MYOF: variants seen among roughly 807,000 people sequenced by gnomAD.
MYOF encodes the protein myoferlin.
A neutral mutation model predicts 284.2 loss-of-function variants in MYOF; 244 were observed. The observed-to-expected ratio is 0.86, with a 90% CI of 0.77 to 0.95. The LOEUF (loss-of-function observed/expected upper bound fraction) is 0.95. Ranked by LOEUF, MYOF falls within the 40% of genes least tolerant of loss-of-function variation. The pLI, the probability that MYOF is intolerant of heterozygous loss-of-function variation, is 0.00. For missense variants in MYOF, 2,496 were observed against 2,560.6 expected (o/e 0.97, Z 0.54); for synonymous variants, 904 against 919.7 (o/e 0.98, Z 0.31).
intron 48 of MYOF, among the ~76,000 whole-genome samples, chr10:93,322,212 TTGTTCTCACTTTA>T (rs1261889736): frequency 2.0e-5 from 3 of 152,176 alleles, no homozygotes; most frequent in South Asian, 2.1e-4. Context: ...AGGTGAAACT[TTGTTCTCACTTTA>T]TGAATATATT....
chr10:93,403,894 C>A, intron 9 of MYOF, 129 bp downstream of exon 9: 3 of 959,802 alleles, frequency 3.1e-6, no homozygotes, highest in South Asian at 2.9e-5. Flanking sequence ...CAGCCTTCAG[C>A]AAGTGTCATC....
At chr10:93,360,000 G>T (rs747179174) in intron 28 of MYOF, 22 bp from the exon 29 acceptor site, 1 of 1,613,896 alleles carries the variant, frequency 6.2e-7, no homozygotes, top group Non-Finnish European at 8.5e-7. Flanking sequence ...TTTGTGAATG[G>T]TTACCCAGAA....
At chr10:93,351,082 G>C (rs1844482365) in intron 35 of MYOF, 115 bp downstream of exon 35, 1 of 1,140,942 alleles carries the variant, frequency 8.8e-7, no homozygotes, top group African/African-American at 1.5e-5. Flanking sequence ...AAGTTGTAAA[G>C]GAAGTTGGAG....
chr10:93,388,609 G>C (rs1371353156), intron 18 of MYOF, among the ~76,000 whole-genome samples: 1 of 152,208 alleles, frequency 6.6e-6, no homozygotes, highest in Non-Finnish European at 1.5e-5. Context: ...AAGACATTTG[G>C]CTTCTGTTGT....
At position 93,454,546 on chromosome 10, in the gene MYOF, AT is replaced by A. The variant is rs1467470378; in HGVS notation, c.144+2335del. 5.3e-5 allele frequency among the ~76,000 whole-genome samples: 8 copies of A among 152,328 alleles called. No homozygotes were observed. In the Middle Eastern group the frequency reaches 0.01, roughly 194 times the overall value. On this transcript the variant is annotated intron_variant, in intron 2 of 53. Transcript: ENST00000359263. ...CTTGGAGTTCTGTCAGGTGCTAGGA[AT>A]CCACAATGACCAACCCAAGGGGCCT...
intron 3 of MYOF, among the ~76,000 whole-genome samples, chr10:93,446,550 G>A (rs947169548): frequency 6.6e-6 from 1 of 152,102 alleles, no homozygotes; most frequent in African/African-American, 2.4e-5. Context: ...GGGTACCACA[G>A]TGGGAGCCAG....
chr10:93,373,378 T>A (rs1472743247), intron 23 of MYOF, among the ~76,000 whole-genome samples: 2 of 152,144 alleles, frequency 1.3e-5, no homozygotes, highest in Non-Finnish European at 2.9e-5. Context: ...AAATATTCCA[T>A]CTTATCTCAA....
Position 93,364,043 on chromosome 10 carries a change from T to A in MYOF, c.2786A>T (p.Glu929Val), listed in dbSNP as rs769111257. ...LLTEADAGHTEFTDEVYQNES... is the reference protein window; with the variant it reads ...LLTEADAGHTVFTDEVYQNES... Reference sequence around the variant, plus strand: ...GTTCTGATAGACTTCATCAGTGAACTCCGTGTGACCTGCATCTGCCTCAGT... The same window carrying A: ...GTTCTGATAGACTTCATCAGTGAACACCGTGTGACCTGCATCTGCCTCAGT... The change falls in exon 27 of 54, where the codon GAG (glutamate) becomes GTG (valine). Residue 929 changes from glutamate (E) to valine (V), a missense_variant. By Grantham distance (121) the Glu-to-Val change is moderately radical (BLOSUM62 -2). Transcript: ENST00000359263. The A allele has an allele frequency of 6.2e-6, 10 of 1,614,058 alleles. No individual in the cohort carries two copies. The highest frequency in any genetic ancestry group is 1.6e-4 in the Middle Eastern group (1 of 6,084).
chr10:93,454,987 T>TA (rs56013436), intron 2 of MYOF, among the ~76,000 whole-genome samples: 3,218 of 58,512 alleles, frequency 0.055, 291 homozygotes, highest in African/African-American at 0.17. Flanking sequence ...TTTTTTTAAT[T>TA]AAAAAAAAAA....
intron 17 of MYOF, among the ~76,000 whole-genome samples, chr10:93,391,030 T>C (rs1408477645): frequency 1.3e-5 from 2 of 152,184 alleles, no homozygotes; most frequent in Non-Finnish European, 2.9e-5. Flanking sequence ...CATCCATTCC[T>C]TTGGTCTAAC....
At chr10:93,325,804 C>G (rs1316241490) in intron 46 of MYOF, 22 bp downstream of exon 46, 1 of 1,602,930 alleles carries the variant, frequency 6.2e-7, no homozygotes, top group Non-Finnish European at 8.5e-7. Flanking sequence ...TAATGGTCTT[C>G]AAGGGAGGGA....
chr10:93,339,940 G>A (rs1481448344), intron 39 of MYOF, among the ~76,000 whole-genome samples: 2 of 152,072 alleles, frequency 1.3e-5, no homozygotes, highest in East Asian at 1.9e-4. Context: ...TTAGCCGGGC[G>A]AGGTGGTGGG....
intron 20 of MYOF, among the ~76,000 whole-genome samples, chr10:93,380,669 T>G (rs1335219300): frequency 6.6e-6 from 1 of 152,198 alleles, no homozygotes; most frequent in Non-Finnish European, 1.5e-5. Context: ...GTAAGCTCCT[T>G]AAAATCAGGG....
rs1845200668 is a variant in MYOF, at chr10:93,363,955, A to G, written c.2868+6T>C. 6.2e-7 allele frequency: 1 copy of G among 1,613,480 alleles called. No homozygotes were observed. Among genetic ancestry groups the G allele is most frequent in the Non-Finnish European group, 8.5e-7 (1 of 1,179,570 alleles). On this transcript the variant is annotated splice_donor_region_variant and intron_variant, in intron 27 of 53. Coordinates refer to ENST00000359263, the MANE Select transcript of MYOF (RefSeq NM_013451.4). The stretch of plus-strand genomic sequence containing the variant: ...TGAGAGTTTCTCTCCGGAGCAGGCC[A>G]CTCACCGCATCCGTGTAGGTGTCCT...
intron 1 of MYOF, among the ~76,000 whole-genome samples, chr10:93,470,096 G>A (rs2057105210): frequency 6.6e-6 from 1 of 151,652 alleles, no homozygotes; most frequent in Non-Finnish European, 1.5e-5. Context: ...AAGCATGATG[G>A]TGCGCACCTG....
intron 4 of MYOF, among the ~76,000 whole-genome samples, chr10:93,429,507 T>C (rs1238631316): frequency 6.6e-6 from 1 of 152,204 alleles, no homozygotes; most frequent in African/African-American, 2.4e-5. Flanking sequence ...GAAAAATCAT[T>C]GACTTATACC....
intron 40 of MYOF, among the ~76,000 whole-genome samples, chr10:93,336,900 A>G (rs145650133): frequency 9.1e-6 from 1 of 109,740 alleles, no homozygotes; most frequent in Non-Finnish European, 2.0e-5. Flanking sequence ...GGAAGGAAAG[A>G]GAAGAAAGGA....
chr10:93,443,134 AT>A (rs139853423), intron 3 of MYOF, among the ~76,000 whole-genome samples: 1,833 of 152,274 alleles, frequency 0.012, 35 homozygotes, highest in African/African-American at 0.042. Flanking sequence ...GCACTCCAGC[AT>A]GGGCAACAGA....
chr10:93,327,326 G>A (rs1843095638), intron 45 of MYOF, among the ~76,000 whole-genome samples: 1 of 152,054 alleles, frequency 6.6e-6, no homozygotes, highest in Admixed American at 6.5e-5. Context: ...CACAGGAGAT[G>A]AGCCACCCAG....
Sources: allele counts gnomAD v4.1 joint callset (sites outside exome capture counted in the v4.1 genomes callset), GRCh38; gene constraint gnomAD v4.1.1; transcripts MANE v1.5; gene names NCBI Gene and HGNC (gene_info 2026-07-23, HGNC 2026-07-21).